ZNF469: variants seen among roughly 807,000 people sequenced by gnomAD.
ZNF469 encodes the protein zinc finger protein 469.
ZNF469 carries 1 observed loss-of-function variant against 1.0 expected under a neutral mutation model. That is an observed-to-expected ratio of 1.00 (90% CI 0.35 to 4.73). The LOEUF is 4.73. ZNF469 is among the 30% of genes most tolerant of loss of function. The pLI, the probability that ZNF469 is intolerant of heterozygous loss-of-function variation, is 0.16. For synonymous variants in ZNF469, 2,703 were observed against 2,363.4 expected, an observed-to-expected ratio of 1.14 and a Z score of -4.17; for missense variants, 6,100 against 5,356.3, an observed-to-expected ratio of 1.14 and a Z score of -4.33.
At chr16:88,366,471 CATCACCATG>C in the ZNF469 span, among the ~76,000 whole-genome samples, 2,143 of 149,544 alleles carry the variant, frequency 0.014, 54 homozygotes, top group African/African-American at 0.047. Context: ...TCATCACCAT[CATCACCATG>C]ATCATCATCA....
In ZNF469 at chr16:88,430,606, T is replaced by C. The variant is rs572206377; in HGVS notation, c.3136T>C (p.Trp1046Arg). 6 of 1,499,870 alleles carry C rather than the reference T, an allele frequency of 4.0e-6. No individual in the cohort carries two copies. The highest frequency in any genetic ancestry group is 2.5e-5 in the South Asian group (2 of 80,238). 92.9% of individuals were successfully genotyped at this position (1,499,870 alleles called of 1,614,324 possible). Reference protein sequence around the residue: ...PRKRKARGGAWGKELILKIVQ... With the variant: ...PRKRKARGGARGKELILKIVQ... ...GAAGAGGAAGGCTCGGGGCGGCGCC[T>C]GGGGCAAGGAGCTCATTCTGAAGAT... Residue 1046 changes from tryptophan to arginine, a missense_variant, in exon 3 of 3, where the codon TGG becomes CGG. Physicochemically the swap from Trp to Arg is moderately radical, Grantham distance 101. Transcript: ENST00000565624.
Position 88,428,405 on chromosome 16 carries a change from C to A in ZNF469, c.935C>A (p.Ala312Glu), listed in dbSNP as rs1263353506. Reference sequence around the variant, plus strand: ...TTTGCCTTCCATCAGCCCCAGGGAGCGTGGCCGGAGGAGGCCGTGGGCACG... The same window carrying A: ...TTTGCCTTCCATCAGCCCCAGGGAGAGTGGCCGGAGGAGGCCGTGGGCACG... ...LVFAFHQPQGAWPEEAVGTGP... is the reference protein window; with the variant it reads ...LVFAFHQPQGEWPEEAVGTGP... The change falls in exon 3 of 3, where the codon GCG (alanine) becomes GAG (glutamate). Residue 312 changes from alanine (A) to glutamate (E), a missense_variant. By Grantham distance (107) the Ala-to-Glu change is moderately radical. Coordinates refer to ENST00000565624, the MANE Select transcript of ZNF469 (RefSeq NM_001367624.2). 6.5e-7 allele frequency: 1 copy of A among 1,548,046 alleles called. No homozygotes were observed. The highest frequency in any genetic ancestry group is 1.4e-5 in the African/African-American group (1 of 73,028).
the ZNF469 span, among the ~76,000 whole-genome samples, chr16:88,369,714 C>G: frequency 6.6e-6 from 1 of 152,234 alleles, no homozygotes; most frequent in African/African-American, 2.4e-5. Context: ...GATGACAGAG[C>G]AGGCTCTTGC....
At chr16:88,178,527 C>T in the ZNF469 span, 2 of 152,144 alleles carry the variant, frequency 1.3e-5, no homozygotes, top group Non-Finnish European at 2.9e-5. Flanking sequence ...CACCGCCTCC[C>T]ACAAGAGGAC....
At chr16:88,347,656 A>G in the ZNF469 span, among the ~76,000 whole-genome samples, 1 of 152,208 alleles carries the variant, frequency 6.6e-6, no homozygotes, top group Non-Finnish European at 1.5e-5. Flanking sequence ...GATGTGAAGA[A>G]CTGTGGGGAA....
chr16:88,150,504 G>C, the ZNF469 span, among the ~76,000 whole-genome samples: 2 of 152,172 alleles, frequency 1.3e-5, no homozygotes, highest in African/African-American at 4.8e-5. Flanking sequence ...GTGGGTGTTA[G>C]GGTCATCCGG....
chr16:88,320,613 A>C, the ZNF469 span, among the ~76,000 whole-genome samples: 11 of 152,212 alleles, frequency 7.2e-5, no homozygotes, highest in Admixed American at 3.9e-4. Flanking sequence ...TGAACTCCTG[A>C]CCTCAAGTGA....
chr16:88,283,724 G>A, the ZNF469 span, among the ~76,000 whole-genome samples: 2 of 152,224 alleles, frequency 1.3e-5, no homozygotes, highest in African/African-American at 2.4e-5. Flanking sequence ...GGCCCACCAA[G>A]GTAGCTCAGC....
the ZNF469 span, among the ~76,000 whole-genome samples, chr16:88,179,919 G>A: frequency 6.6e-6 from 1 of 152,238 alleles, no homozygotes. Flanking sequence ...TGTATGTGAA[G>A]TGGTAGAATA....
chr16:88,263,334 G>A, the ZNF469 span, among the ~76,000 whole-genome samples: 2 of 152,214 alleles, frequency 1.3e-5, no homozygotes, highest in African/African-American at 4.8e-5. Context: ...GTCGCAGGCT[G>A]GGCTCTGCCA....
At chr16:88,177,352 G>A in the ZNF469 span, 1 of 152,184 alleles carries the variant, frequency 6.6e-6, no homozygotes. This position sits in a 1 kb window ranked among gnomAD's most constrained non-coding sequence, Gnocchi z 4.8. Flanking sequence ...CTTGCGGCTT[G>A]TGGAATGCTC....
chr16:88,308,291 G>A, the ZNF469 span, among the ~76,000 whole-genome samples: 2 of 152,200 alleles, frequency 1.3e-5, no homozygotes, highest in Non-Finnish European at 2.9e-5. Flanking sequence ...TCTTTTTCAA[G>A]ATTGTTTTGG....
At chr16:88,129,972 C>A in the ZNF469 span, among the ~76,000 whole-genome samples, 1 of 152,226 alleles carries the variant, frequency 6.6e-6, no homozygotes, top group Non-Finnish European at 1.5e-5. Context: ...GTTTCAGACT[C>A]AGCTTTTCTT....
the ZNF469 span, among the ~76,000 whole-genome samples, chr16:88,174,654 T>C: frequency 1.3e-5 from 2 of 148,828 alleles, no homozygotes; most frequent in Non-Finnish European, 3.0e-5. Flanking sequence ...GCCTACCCAA[T>C]GTGAAGATAA....
the ZNF469 span, among the ~76,000 whole-genome samples, chr16:88,335,267 C>T: frequency 6.6e-6 from 1 of 152,176 alleles, no homozygotes; most frequent in Non-Finnish European, 1.5e-5. Context: ...TCTCCACCAC[C>T]CCAAAACTCA....
At chr16:88,106,496 C>T in the ZNF469 span, among the ~76,000 whole-genome samples, 10 of 152,172 alleles carry the variant, frequency 6.6e-5, no homozygotes, top group Non-Finnish European at 1.5e-4. Flanking sequence ...AATGTTTTTT[C>T]ACTTTAAAAA....
chr16:88,201,001 C>T, the ZNF469 span, among the ~76,000 whole-genome samples: 1 of 152,258 alleles, frequency 6.6e-6, no homozygotes, highest in Non-Finnish European at 1.5e-5. The surrounding 1 kb of genome is among the most constrained non-coding windows in gnomAD (Gnocchi z 5.0). Context: ...CCAGCTGACT[C>T]CCGTCTTTCT....
the ZNF469 span, among the ~76,000 whole-genome samples, chr16:88,356,026 A>G: frequency 6.6e-6 from 1 of 152,006 alleles, no homozygotes; most frequent in Admixed American, 6.6e-5. Context: ...GGAGGAGAGG[A>G]CCCTAGAAGC....
chr16:88,382,293 T>C (rs2092527334), upstream of ZNF469, among the ~76,000 whole-genome samples: 1 of 152,222 alleles, frequency 6.6e-6, no homozygotes, highest in South Asian at 2.1e-4. Flanking sequence ...TCTTCAGGCC[T>C]TGGTTTCCTT....
Sources: allele counts gnomAD v4.1 joint callset (sites outside exome capture counted in the v4.1 genomes callset), GRCh38; gene constraint gnomAD v4.1.1; non-coding constraint Gnocchi (gnomAD v3.1); transcripts MANE v1.5; gene names NCBI Gene and HGNC (gene_info 2026-07-23, HGNC 2026-07-21).